FIGNL2: variants seen among roughly 807,000 people sequenced by gnomAD.
The protein encoded by FIGNL2 is fidgetin-like protein 2.
For missense variants in FIGNL2, 1,060 were observed against 950.2 expected (o/e 1.12, Z -1.52); for synonymous variants, 565 against 484.0 (o/e 1.17, Z -2.20).
At chr12:51,822,454 G>A in intron 1 of FIGNL2, 30 bp from the exon 2 acceptor site, 3 of 1,609,822 alleles carry the variant, frequency 1.9e-6, no homozygotes, top group Non-Finnish European at 8.5e-7. Context: ...GGTCTGGTGA[G>A]GTCTAGCCAC....
At chr12:51,837,847 G>T (rs190338618) in intron 1 of FIGNL2, 1 of 152,218 alleles carries the variant, frequency 6.6e-6, no homozygotes, top group African/African-American at 2.4e-5. Context: ...AAAACACAAC[G>T]TGTCTCCCTC....
At chr12:51,822,465 C>A (rs779867719) in intron 1 of FIGNL2, 41 bp from the exon 2 acceptor site, 48 of 1,605,070 alleles carry the variant, frequency 3.0e-5, no homozygotes, top group African/African-American at 5.3e-5. Context: ...GTCTAGCCAC[C>A]GAGGACCCAG....
intron 1 of FIGNL2, among the ~76,000 whole-genome samples, chr12:51,829,098 C>T (rs1939402254): frequency 1.3e-5 from 2 of 152,232 alleles, no homozygotes; most frequent in Admixed American, 6.5e-5. Flanking sequence ...GAGTCGGCTC[C>T]AGGCCGGTGT....
intron 1 of FIGNL2, among the ~76,000 whole-genome samples, chr12:51,830,604 G>C (rs1002618040): frequency 6.9e-6 from 1 of 144,894 alleles, no homozygotes; most frequent in Non-Finnish European, 1.5e-5. Context: ...TGATTCTCTT[G>C]CCTCAGCCTC....
intron 1 of FIGNL2, 126 bp downstream of exon 1, chr12:51,848,414 C>A: frequency 1.0e-6 from 1 of 983,590 alleles, no homozygotes. Context: ...CCGAGCTGAA[C>A]CCCGCGACTA....
intron 1 of FIGNL2, chr12:51,848,301 G>A (rs990234187): frequency 8.7e-5 from 86 of 984,622 alleles, no homozygotes; most frequent in Non-Finnish European, 1.0e-4. Flanking sequence ...GTCGGCGGCC[G>A]GGCGGCTATC....
At chr12:51,834,078 T>TAAAC (rs1939530380) in intron 1 of FIGNL2, among the ~76,000 whole-genome samples, 1 of 46,060 alleles carries the variant, frequency 2.2e-5, no homozygotes, top group African/African-American at 4.6e-5. Context: ...GATGGATGAA[T>TAAAC]AGACAGACAG....
intron 1 of FIGNL2, chr12:51,847,467 T>C: frequency 1.0e-6 from 1 of 985,466 alleles, no homozygotes; most frequent in Non-Finnish European, 1.2e-6. Context: ...TTCAGTCCTC[T>C]ATTCTCCTCC....
At chr12:51,844,673 A>G in intron 1 of FIGNL2, 1 of 984,976 alleles carries the variant, frequency 1.0e-6, no homozygotes, top group Non-Finnish European at 1.2e-6. Flanking sequence ...ATTCATCAAG[A>G]TGCTTATGAA....
intron 1 of FIGNL2, among the ~76,000 whole-genome samples, chr12:51,830,493 GTT>G (rs1279826960): frequency 1.4e-4 from 12 of 83,116 alleles, no homozygotes; most frequent in African/African-American, 3.2e-4. Flanking sequence ...ATATTGAGTT[GTT>G]TTTTTTTTTT....
Position 51,819,610 on chromosome 12 carries a change from T to C in FIGNL2, c.*842A>G, listed in dbSNP as rs1365780997. ...CCAAAGTCTAACATTCTTTCTGAGGTCAGTTTCTTCCTGAGTTGTCAAAAG... is the reference window on the plus strand; with the variant it reads ...CCAAAGTCTAACATTCTTTCTGAGGCCAGTTTCTTCCTGAGTTGTCAAAAG... On this transcript the variant is annotated 3_prime_UTR_variant, in exon 2 of 2. Coordinates refer to ENST00000618634, the MANE Select transcript of FIGNL2 (RefSeq NM_001384995.1). 1 of 152,488 alleles carries C rather than the reference T, an allele frequency of 6.6e-6. No homozygotes were observed. Among genetic ancestry groups the C allele is most frequent in the East Asian group, 1.9e-4 (1 of 5,158 alleles). The allele number at this position is 152,488 out of a possible 1,614,324, so 9.4% of individuals were successfully genotyped here.
At chr12:51,841,639 C>T (rs1203757782) in intron 1 of FIGNL2, 2 of 152,206 alleles carry the variant, frequency 1.3e-5, no homozygotes, top group Non-Finnish European at 2.9e-5. Flanking sequence ...TAGCATATCT[C>T]AAACTTGTTC....
chr12:51,847,536 A>G, intron 1 of FIGNL2: 2 of 985,398 alleles, frequency 2.0e-6, no homozygotes, highest in Non-Finnish European at 2.4e-6. Context: ...CCTAATCCTG[A>G]TTTAGTGACC....
intron 1 of FIGNL2, among the ~76,000 whole-genome samples, chr12:51,833,106 G>T (rs772326904): frequency 1.3e-5 from 2 of 151,974 alleles, no homozygotes. Flanking sequence ...GGAGTGCAGC[G>T]GCGTGATCAC....
intron 1 of FIGNL2, chr12:51,845,774 TTG>T: frequency 2.6e-5 from 1 of 38,418 alleles, no homozygotes; most frequent in Non-Finnish European, 4.2e-5. Context: ...CAGTCGGAGC[TTG>T]GGGGGAGAGT....
chr12:51,839,734 A>G (rs1416397139), intron 1 of FIGNL2, among the ~76,000 whole-genome samples: 1 of 151,962 alleles, frequency 6.6e-6, no homozygotes, highest in Non-Finnish European at 1.5e-5. Context: ...TTCCACTCCA[A>G]TGCCCAATTT....
intron 1 of FIGNL2, among the ~76,000 whole-genome samples, chr12:51,830,223 A>G (rs1939425867): frequency 6.6e-6 from 1 of 151,060 alleles, no homozygotes; most frequent in Non-Finnish European, 1.5e-5. Flanking sequence ...TGGAAGGCGG[A>G]GGTTGCAGTG....
chr12:51,824,078 G>A (rs1158858882), intron 1 of FIGNL2: 3 of 152,192 alleles, frequency 2.0e-5, no homozygotes, highest in South Asian at 2.1e-4. Flanking sequence ...CCAGGGCTGC[G>A]CTAGCTCACG....
intron 1 of FIGNL2, among the ~76,000 whole-genome samples, chr12:51,832,500 C>T (rs1179340904): frequency 6.6e-6 from 1 of 152,088 alleles, no homozygotes; most frequent in Admixed American, 6.5e-5. Context: ...GAATCTGATG[C>T]TCTGCCCTCC....
Sources: allele counts gnomAD v4.1 joint callset (sites outside exome capture counted in the v4.1 genomes callset), GRCh38; gene constraint gnomAD v4.1.1; transcripts MANE v1.5; gene names NCBI Gene and HGNC (gene_info 2026-07-23, HGNC 2026-07-21).